Variants in GLIPR2 observed in about 807,000 individuals in gnomAD.
GLIPR2 encodes the protein GLI pathogenesis related 2.
A neutral mutation model predicts 20.4 loss-of-function variants in GLIPR2; 21 were observed. The ratio of observed to expected loss-of-function variants is 1.03; its 90% CI spans 0.73 to 1.48. GLIPR2 has a LOEUF of 1.48. Ranked by LOEUF, GLIPR2 falls within the 40% of genes most tolerant of loss-of-function variation. GLIPR2 has a pLI of 0.00. For missense variants in GLIPR2, 205 were observed against 200.1 expected (o/e 1.02, Z -0.15); for synonymous variants, 91 against 80.5 (o/e 1.13, Z -0.70).
chr9:36,150,820 G>A, intron 3 of GLIPR2, 52 bp from the exon 4 acceptor site: 1 of 1,321,342 alleles, frequency 7.6e-7, no homozygotes, highest in Non-Finnish European at 1.1e-6. Context: ...CAGGGAATAG[G>A]GAGTGGGTGG....
chr9:36,162,727 C>A lies in GLIPR2; in HGVS notation c.*205C>A. 2 of 629,776 alleles carry A rather than the reference C, an allele frequency of 3.2e-6. No homozygotes were observed. The highest frequency in any genetic ancestry group is 1.8e-5 in the South Asian group (1 of 54,898). 39.0% of individuals were successfully genotyped at this position (629,776 alleles called of 1,614,324 possible). A position where few individuals can be genotyped will look rare whatever the true frequency, so the allele number is the denominator to read the frequency against. ...CAGGAGTGAGCAAAGGAAGCATTTA[C>A]CCCGATGGTTACCTAGACCACGATT... On this transcript the variant is annotated 3_prime_UTR_variant, in exon 5 of 5. Transcript: ENST00000377960.
intron 3 of GLIPR2, among the ~76,000 whole-genome samples, chr9:36,150,310 G>A (rs756147353): frequency 2.6e-5 from 4 of 152,122 alleles, no homozygotes; most frequent in Admixed American, 6.5e-5. Context: ...GCTCTGGCCC[G>A]GAGAGCAGCA....
intron 1 of GLIPR2, among the ~76,000 whole-genome samples, chr9:36,143,958 C>T (rs980511137): frequency 6.6e-6 from 1 of 152,210 alleles, no homozygotes; most frequent in African/African-American, 2.4e-5. Flanking sequence ...CTTCCAGAGG[C>T]TGATCCTCTC....
At chr9:36,142,832 C>G (rs1825147697) in intron 1 of GLIPR2, among the ~76,000 whole-genome samples, 1 of 152,074 alleles carries the variant, frequency 6.6e-6, no homozygotes, top group Admixed American at 6.5e-5. Flanking sequence ...GAGGAGCCAC[C>G]TGGGCTAGGA....
intron 4 of GLIPR2, among the ~76,000 whole-genome samples, chr9:36,157,757 C>T (rs1211130060): frequency 6.6e-6 from 1 of 151,268 alleles, no homozygotes; most frequent in Non-Finnish European, 1.5e-5. Flanking sequence ...CCACATTTTG[C>T]TTATCCTTTC....
chr9:36,149,113 G>T (rs1173287657), intron 3 of GLIPR2, among the ~76,000 whole-genome samples: 1 of 152,128 alleles, frequency 6.6e-6, no homozygotes, highest in Non-Finnish European at 1.5e-5. Context: ...AAGCAATAGA[G>T]CTTTTTCCAT....
At chr9:36,146,751 T>C (rs570266809) in intron 1 of GLIPR2, among the ~76,000 whole-genome samples, 2 of 152,310 alleles carry the variant, frequency 1.3e-5, no homozygotes, top group South Asian at 4.1e-4. Context: ...TTCCCTCTCC[T>C]GCCTCCTGGG....
chr9:36,155,235 A>G (rs1825780693), intron 4 of GLIPR2, among the ~76,000 whole-genome samples: 1 of 152,242 alleles, frequency 6.6e-6, no homozygotes, highest in South Asian at 2.1e-4. Context: ...TATTTTCATA[A>G]ACAATTTAGT....
At chr9:36,140,480 C>A (rs1825022856) in intron 1 of GLIPR2, among the ~76,000 whole-genome samples, 2 of 152,152 alleles carry the variant, frequency 1.3e-5, no homozygotes, top group Non-Finnish European at 2.9e-5. Context: ...TTCCTTCACA[C>A]ACAGATGGGA....
At chr9:36,146,971 G>C (rs1825356224) in intron 1 of GLIPR2, among the ~76,000 whole-genome samples, 1 of 152,162 alleles carries the variant, frequency 6.6e-6, no homozygotes, top group African/African-American at 2.4e-5. Flanking sequence ...CTCTGCGGTG[G>C]CTCTGCCCCT....
chr9:36,150,538 C>A (rs1351378049), intron 3 of GLIPR2, among the ~76,000 whole-genome samples: 1 of 152,232 alleles, frequency 6.6e-6, no homozygotes, highest in Non-Finnish European at 1.5e-5. Context: ...TGCATTCAAC[C>A]TTTTCATTGT....
Position 36,136,804 on chromosome 9 carries a change from G to T in GLIPR2, c.13+13G>T. ...ATGGGCAAGTCAGGTGAGCCCGCGG[G>T]CTCGCCCGCTGCGGAATGGTTCGGA... is the stretch of plus-strand genomic sequence containing the variant. On this transcript the variant is annotated intron_variant, in intron 1 of 4. Coordinates refer to ENST00000377960, the MANE Select transcript of GLIPR2 (RefSeq NM_022343.4). The surrounding 1 kb of genome is among the most constrained non-coding windows in gnomAD (Gnocchi z 4.3). 1 of 1,298,024 alleles carries T rather than the reference G, an allele frequency of 7.7e-7. No individual in the cohort carries two copies. The highest frequency in any genetic ancestry group is 9.7e-7 in the Non-Finnish European group (1 of 1,026,328). 80.4% of individuals were successfully genotyped at this position (1,298,024 alleles called of 1,614,324 possible).
At chr9:36,149,883 C>G (rs987689258) in intron 3 of GLIPR2, among the ~76,000 whole-genome samples, 3 of 152,140 alleles carry the variant, frequency 2.0e-5, no homozygotes, top group African/African-American at 7.2e-5. Context: ...GAAAAATTAG[C>G]CAGGCGTGGT....
chr9:36,161,872 T>C (rs1826068244), intron 4 of GLIPR2, among the ~76,000 whole-genome samples: 1 of 152,102 alleles, frequency 6.6e-6, no homozygotes, highest in African/African-American at 2.4e-5. Flanking sequence ...GTGTGGCTGA[T>C]AGAAAGGACC....
In GLIPR2 at chr9:36,162,475, G is replaced by T; in HGVS notation, c.418G>T (p.Val140Phe). The T allele has an allele frequency of 1.2e-6, 2 of 1,614,180 alleles. No homozygotes were observed. Among genetic ancestry groups the T allele is most frequent in the Non-Finnish European group, 1.7e-6 (2 of 1,180,044 alleles). ...VARYFPAGNV[V>F]NEGFFEENVL... is the part of the protein sequence containing the mutation. ...CAGATACTTCCCAGCGGGGAATGTT[G>T]TCAATGAGGGCTTCTTCGAAGAAAA... Residue 140 changes from valine (V) to phenylalanine (F), a missense_variant, in exon 5 of 5, where the codon GTC becomes TTC. Coordinates refer to ENST00000377960, the MANE Select transcript of GLIPR2 (RefSeq NM_022343.4).
chr9:36,138,878 A>G (rs1162385708), intron 1 of GLIPR2, among the ~76,000 whole-genome samples: 1 of 152,150 alleles, frequency 6.6e-6, no homozygotes, highest in East Asian at 1.9e-4. Context: ...CAAATCCCAG[A>G]GGGTCTTGGG....
intron 3 of GLIPR2, among the ~76,000 whole-genome samples, chr9:36,150,261 A>G (rs899632169): frequency 2.0e-5 from 3 of 152,128 alleles, no homozygotes; most frequent in African/African-American, 2.4e-5. Context: ...AGATTCTTGC[A>G]CACATTTGAG....
In GLIPR2 at chr9:36,162,817, C is replaced by T. The variant is rs1826116963; in HGVS notation, c.*295C>T. 2.1e-6 allele frequency: 1 copy of T among 473,968 alleles called. No homozygotes were observed. The highest frequency in any genetic ancestry group is 5.0e-5 in the East Asian group (1 of 19,840). 29.4% of individuals were successfully genotyped at this position (473,968 alleles called of 1,614,324 possible). The stretch of plus-strand genomic sequence containing the variant: ...AATTTTTTGTTATTTCTAAGCAAAC[C>T]TCTTTTGTACTTTTCTTACTTCTAA... On this transcript the variant is annotated 3_prime_UTR_variant, in exon 5 of 5. Coordinates refer to ENST00000377960, the MANE Select transcript of GLIPR2 (RefSeq NM_022343.4).
intron 4 of GLIPR2, among the ~76,000 whole-genome samples, chr9:36,154,199 A>G (rs1320956992): frequency 6.6e-6 from 1 of 150,646 alleles, no homozygotes; most frequent in Non-Finnish European, 1.5e-5. Flanking sequence ...GGTTCACGCG[A>G]TTCTCCCACC....
Sources: allele counts gnomAD v4.1 joint callset (sites outside exome capture counted in the v4.1 genomes callset), GRCh38; gene constraint gnomAD v4.1.1; non-coding constraint Gnocchi (gnomAD v3.1); transcripts MANE v1.5; gene names NCBI Gene and HGNC (gene_info 2026-07-23, HGNC 2026-07-21).